The following ASAP2 variants were observed in gnomAD, a reference collection of about 807,000 sequenced individuals.
ASAP2 encodes ArfGAP with SH3 domain, ankyrin repeat and PH domain 2, also known as arf-GAP with SH3 domain, ANK repeat and PH domain-containing protein 2.
ASAP2 carries 45 observed loss-of-function variants against 131.4 expected under a neutral mutation model. The ratio of observed to expected loss-of-function variants is 0.34; its 90% CI spans 0.27 to 0.44. The LOEUF is 0.44. Ranked by LOEUF, ASAP2 falls within the 20% of genes least tolerant of loss-of-function variation. The pLI is 1.00. For synonymous variants in ASAP2, 510 were observed against 503.0 expected (o/e 1.01, Z -0.19); for missense variants, 1,011 against 1,297.0 (o/e 0.78, Z 3.39).
At position 9,323,963 on chromosome 2, in the gene ASAP2, C is replaced by T. The variant is rs111318830; in HGVS notation, c.600+713C>T. ...CGTGTATACAAATGGCACATGGAAACAGCTGCCACCTCTGCCTGGGGTTAA... is the reference window on the plus strand; with the variant it reads ...CGTGTATACAAATGGCACATGGAAATAGCTGCCACCTCTGCCTGGGGTTAA... On this transcript the variant is annotated intron_variant, in intron 6 of 27. Coordinates refer to ENST00000281419, the MANE Select transcript of ASAP2 (RefSeq NM_003887.3). Among the ~76,000 whole-genome samples the T allele has an allele frequency of 5.7e-3, 864 of 152,334 alleles. 7 individuals are homozygous for T. Among genetic ancestry groups the T allele is most frequent in the South Asian group, 0.011 (55 of 4,830 alleles).
At chr2:9,286,447 A>AAAAATATATATATATATATATATATAT (rs58605449) in intron 2 of ASAP2, among the ~76,000 whole-genome samples, 2 of 148,418 alleles carry the variant, frequency 1.3e-5, no homozygotes, top group African/African-American at 5.1e-5. Context: ...GAAAAAAAAA[A>AAAAATATATATATATATATATATATAT]ATATATATAT....
chr2:9,278,199 TC>T (rs1666878311), intron 1 of ASAP2, among the ~76,000 whole-genome samples: 4 of 152,150 alleles, frequency 2.6e-5, no homozygotes, highest in Non-Finnish European at 4.4e-5. Flanking sequence ...GTTGTCTCCC[TC>T]CAGTCACAAG....
chr2:9,399,408 A>C (rs1481133459), intron 24 of ASAP2: 1 of 153,842 alleles, frequency 6.5e-6, no homozygotes, highest in Non-Finnish European at 1.4e-5. Flanking sequence ...GACTCTCCAG[A>C]ACCCATTTAT....
At chr2:9,362,875 A>G (rs1673202404) in intron 15 of ASAP2, among the ~76,000 whole-genome samples, 1 of 152,132 alleles carries the variant, frequency 6.6e-6, no homozygotes, top group African/African-American at 2.4e-5. Flanking sequence ...GTACGTTATT[A>G]TTAAGTAGAG....
chr2:9,276,062 G>A (rs1043533040), intron 1 of ASAP2, among the ~76,000 whole-genome samples: 7 of 152,204 alleles, frequency 4.6e-5, no homozygotes, highest in African/African-American at 1.7e-4. Flanking sequence ...TCGTTAATTT[G>A]TGTTTCTCTA....
At chr2:9,361,109 G>A (rs1324677809) in intron 15 of ASAP2, among the ~76,000 whole-genome samples, 2 of 152,184 alleles carry the variant, frequency 1.3e-5, no homozygotes, top group Non-Finnish European at 2.9e-5. Flanking sequence ...CTGCATTCTT[G>A]TAGGAGTTTA....
chr2:9,374,972 A>T (rs1249361968), intron 17 of ASAP2, 28 bp downstream of exon 17: 9 of 891,580 alleles, frequency 1.0e-5, no homozygotes, highest in East Asian at 8.6e-5. Context: ...TGCTACTTTA[A>T]AAAAAAAAAA....
intron 25 of ASAP2, 48 bp downstream of exon 25, chr2:9,400,120 G>T (rs1448298411): frequency 6.4e-7 from 1 of 1,552,064 alleles, no homozygotes; most frequent in South Asian, 1.1e-5. Flanking sequence ...GGTCCATGGG[G>T]GCAATGTGGG....
chr2:9,377,422 C>G (rs1674493259), intron 18 of ASAP2, among the ~76,000 whole-genome samples: 2 of 152,232 alleles, frequency 1.3e-5, no homozygotes, highest in South Asian at 4.1e-4. Flanking sequence ...GATTAGAAAC[C>G]AGAGCACTGG....
intron 2 of ASAP2, among the ~76,000 whole-genome samples, chr2:9,294,651 G>C (rs900423437): frequency 6.6e-6 from 1 of 152,232 alleles, no homozygotes; most frequent in Non-Finnish European, 1.5e-5. Flanking sequence ...AGTAGGCGTT[G>C]ACCTTTATAC....
At chr2:9,301,896 T>G (rs554608840) in intron 3 of ASAP2, among the ~76,000 whole-genome samples, 2 of 145,222 alleles carry the variant, frequency 1.4e-5, no homozygotes, top group Non-Finnish European at 3.0e-5. Flanking sequence ...CAATCTCAGC[T>G]CTCTGCAAGC....
intron 1 of ASAP2, among the ~76,000 whole-genome samples, chr2:9,250,200 C>T (rs1664611521): frequency 6.6e-6 from 1 of 152,164 alleles, no homozygotes; most frequent in Non-Finnish European, 1.5e-5. Flanking sequence ...CGCTGCCTGA[C>T]ACAAAGTGGT....
chr2:9,284,132 T>C (rs1347542540), intron 2 of ASAP2, among the ~76,000 whole-genome samples: 1 of 152,236 alleles, frequency 6.6e-6, no homozygotes, highest in Admixed American at 6.5e-5. Flanking sequence ...ATCCACAATT[T>C]CAATTCCTCT....
chr2:9,222,226 T>C (rs1662475050), intron 1 of ASAP2, among the ~76,000 whole-genome samples: 1 of 152,260 alleles, frequency 6.6e-6, no homozygotes, highest in Non-Finnish European at 1.5e-5. Context: ...CTGCAGTTTC[T>C]TGTATTTAAT....
At chr2:9,208,221 C>G (rs1661275377) in intron 1 of ASAP2, among the ~76,000 whole-genome samples, 1 of 152,060 alleles carries the variant, frequency 6.6e-6, no homozygotes, top group African/African-American at 2.4e-5. Context: ...GTTTACAAGT[C>G]ACACGTGTGG....
chr2:9,335,780 G>A (rs954599927), intron 9 of ASAP2, among the ~76,000 whole-genome samples: 3 of 152,138 alleles, frequency 2.0e-5, no homozygotes, highest in Admixed American at 6.5e-5. Flanking sequence ...TAAAAAGTAA[G>A]TTTTAAAGAT....
At chr2:9,248,728 A>G (rs1664505500) in intron 1 of ASAP2, among the ~76,000 whole-genome samples, 1 of 152,102 alleles carries the variant, frequency 6.6e-6, no homozygotes, top group South Asian at 2.1e-4. Context: ...GCCATTTGGT[A>G]AATTTCCTTA....
At chr2:9,223,027 A>G (rs764230901) in intron 1 of ASAP2, among the ~76,000 whole-genome samples, 2 of 152,182 alleles carry the variant, frequency 1.3e-5, no homozygotes, top group Admixed American at 6.5e-5. Flanking sequence ...AGGAGACTCA[A>G]GAGTCCCACT....
At chr2:9,301,626 A>T (rs1402115984) in intron 3 of ASAP2, among the ~76,000 whole-genome samples, 1 of 152,154 alleles carries the variant, frequency 6.6e-6, no homozygotes, top group Non-Finnish European at 1.5e-5. Context: ...TTGTTAGTGA[A>T]AGATGTCCTC....
Sources: gnomAD v4.1 joint callset for allele counts (sites outside exome capture counted in the v4.1 genomes callset) on GRCh38, gnomAD v4.1.1 for gene constraint, MANE v1.5 for transcripts, NCBI Gene and HGNC (gene_info 2026-07-23, HGNC 2026-07-21) for gene names.